The following ARFGEF3 variants were observed in gnomAD, a reference collection of about 807,000 sequenced individuals.
The protein encoded by ARFGEF3 is brefeldin A-inhibited guanine nucleotide-exchange protein 3.
Under a neutral mutation model 221.7 loss-of-function variants are expected in ARFGEF3, and 96 were observed. That is an observed-to-expected ratio of 0.43 (90% confidence interval 0.37 to 0.51). The LOEUF (loss-of-function observed/expected upper bound fraction) is 0.51. ARFGEF3 is among the 20% of genes least tolerant of loss of function. The probability of loss-of-function intolerance (pLI) is 0.00; values close to 1 mark genes in which losing one functional copy is unlikely to be tolerated. For missense variants in ARFGEF3, 2,410 were observed against 2,789.9 expected, an observed-to-expected ratio of 0.86 and a Z score of 3.07; for synonymous variants, 1,145 against 1,126.8, an observed-to-expected ratio of 1.02 and a Z score of -0.32.
intron 2 of ARFGEF3, among the ~76,000 whole-genome samples, chr6:138,185,064 G>A (rs1391859281): frequency 6.6e-6 from 1 of 152,206 alleles, no homozygotes; most frequent in Non-Finnish European, 1.5e-5. Flanking sequence ...ACTAGGTATA[G>A]GATCTGCTCT....
chr6:138,248,004 A>G (rs561216662), intron 8 of ARFGEF3, among the ~76,000 whole-genome samples: 13 of 152,320 alleles, frequency 8.5e-5, no homozygotes, highest in Admixed American at 1.3e-4. Context: ...GTGACTTAGA[A>G]TGGGTTAAAA....
At position 138,262,943 on chromosome 6, in the gene ARFGEF3, C is replaced by G; in HGVS notation, c.1460C>G (p.Ser487Cys). 1 of 1,603,514 alleles carries G rather than the reference C, an allele frequency of 6.2e-7. No homozygotes were observed. The highest frequency in any genetic ancestry group is 8.5e-7 in the Non-Finnish European group (1 of 1,174,922). The change falls in exon 12 of 34, where the codon TCC becomes TGC. Residue 487 changes from serine to cysteine, a missense_variant. Transcript: ENST00000251691. Reference sequence around the variant, plus strand: ...TTCCGCTGGCAGCGGCGAGTGCTGTCCTCAGAACACACGCCGTGGGAGTCA... The same window carrying G: ...TTCCGCTGGCAGCGGCGAGTGCTGTGCTCAGAACACACGCCGTGGGAGTCA... ...ADFRWQRRVLSSEHTPWESGN... is the reference protein window; with the variant it reads ...ADFRWQRRVLCSEHTPWESGN...
At chr6:138,247,860 G>A (rs1205451287) in intron 8 of ARFGEF3, among the ~76,000 whole-genome samples, 1 of 152,200 alleles carries the variant, frequency 6.6e-6, no homozygotes, top group African/African-American at 2.4e-5. Flanking sequence ...CAGCCAAAGA[G>A]CTCCAGGAAC....
At position 138,341,256 on chromosome 6, in the gene ARFGEF3, T is replaced by C. The variant is rs1780426093; in HGVS notation, c.*4770T>C. The C allele has an allele frequency of 1.3e-5, 2 of 154,768 alleles. No homozygotes were observed. Among genetic ancestry groups the C allele is most frequent in the Admixed American group, 1.3e-4 (2 of 15,278 alleles). The allele number at this position is 154,768 out of a possible 1,614,324, so 9.6% of individuals were successfully genotyped here. On this transcript the variant is annotated 3_prime_UTR_variant, in exon 34 of 34. Transcript: ENST00000251691. The stretch of plus-strand genomic sequence containing the variant: ...TGGTACTAAATTAGTAGCACAAAGT[T>C]TGGGAATATGCAAAATAATGGATAA...
chr6:138,240,700 A>G (rs1384915877), intron 6 of ARFGEF3, among the ~76,000 whole-genome samples: 1 of 152,162 alleles, frequency 6.6e-6, no homozygotes, highest in African/African-American at 2.4e-5. Flanking sequence ...TGGAGATGTG[A>G]TTCCATGTCC....
chr6:138,304,819 T>A (rs575655634), intron 22 of ARFGEF3, among the ~76,000 whole-genome samples: 1 of 152,326 alleles, frequency 6.6e-6, no homozygotes, highest in Admixed American at 6.5e-5. Context: ...CAAGCTTATG[T>A]AGATCCTGAA....
chr6:138,329,978 G>A (rs1404755187), intron 32 of ARFGEF3, among the ~76,000 whole-genome samples: 1 of 152,124 alleles, frequency 6.6e-6, no homozygotes, highest in Non-Finnish European at 1.5e-5. Context: ...AAGGAAAAAG[G>A]GGGGTTGTTC....
chr6:138,272,813 G>A (rs1779029265), intron 12 of ARFGEF3, among the ~76,000 whole-genome samples: 1 of 152,184 alleles, frequency 6.6e-6, no homozygotes, highest in African/African-American at 2.4e-5. Context: ...GTTGGTAGGT[G>A]GGAAAATTGG....
At chr6:138,295,578 T>G (rs1779494525) in intron 20 of ARFGEF3, among the ~76,000 whole-genome samples, 1 of 148,300 alleles carries the variant, frequency 6.7e-6, no homozygotes, top group Non-Finnish European at 1.5e-5. Flanking sequence ...TGCAGTGAGC[T>G]GAGATTGCAC....
chr6:138,188,136 C>T (rs989099514), intron 2 of ARFGEF3, among the ~76,000 whole-genome samples: 7 of 152,122 alleles, frequency 4.6e-5, no homozygotes, highest in African/African-American at 1.2e-4. Flanking sequence ...AGCTGGTTTT[C>T]GCAGATTTTT....
At chr6:138,318,219 G>A (rs904567648) in intron 27 of ARFGEF3, among the ~76,000 whole-genome samples, 6 of 152,022 alleles carry the variant, frequency 3.9e-5, no homozygotes, top group African/African-American at 1.4e-4. Context: ...AGAATAAGTA[G>A]GTATTTTATA....
chr6:138,278,704 G>A, intron 13 of ARFGEF3, 87 bp downstream of exon 13: 1 of 1,424,860 alleles, frequency 7.0e-7, no homozygotes, highest in South Asian at 1.3e-5. Context: ...TGAGTGGGAT[G>A]GCACAGCGTG....
chr6:138,162,868 CA>C lies in ARFGEF3; in HGVS notation c.85+699del, dbSNP rs981277237. Among the ~76,000 whole-genome samples the C allele has an allele frequency of 3.9e-5, 6 of 152,124 alleles. No individual in the cohort carries two copies. The highest frequency in any genetic ancestry group is 5.9e-5 in the Non-Finnish European group (4 of 68,010). On this transcript the variant is annotated intron_variant, in intron 1 of 33. Coordinates refer to ENST00000251691, the MANE Select transcript of ARFGEF3 (RefSeq NM_020340.5). The surrounding 1 kb of genome is among the most constrained non-coding windows in gnomAD (Gnocchi z 4.7). ...ACATTTCAGTTAGGCGGGGTTTGGG[CA>C]ATCAAAATGGTCAGGATGGTAATGC...
intron 13 of ARFGEF3, among the ~76,000 whole-genome samples, chr6:138,279,473 G>C (rs1315257931): frequency 6.6e-6 from 1 of 152,228 alleles, no homozygotes; most frequent in Non-Finnish European, 1.5e-5. Flanking sequence ...TCCTGTGATG[G>C]AGCAAGCCAC....
chr6:138,317,192 G>T, intron 26 of ARFGEF3, 59 bp from the exon 27 acceptor site: 1 of 1,580,646 alleles, frequency 6.3e-7, no homozygotes, highest in South Asian at 1.1e-5. Context: ...ATTGGATCTT[G>T]AGATGATTAT....
chr6:138,292,345 A>G (rs1779427126), intron 19 of ARFGEF3, among the ~76,000 whole-genome samples: 1 of 151,720 alleles, frequency 6.6e-6, no homozygotes, highest in African/African-American at 2.4e-5. Context: ...CATTGGTAAA[A>G]TAGGGTCATT....
At chr6:138,314,364 G>A (rs1026261474) in intron 26 of ARFGEF3, among the ~76,000 whole-genome samples, 1 of 152,166 alleles carries the variant, frequency 6.6e-6, no homozygotes, top group African/African-American at 2.4e-5. Context: ...TGTTAACACT[G>A]TTGCATTATG....
intron 1 of ARFGEF3, among the ~76,000 whole-genome samples, chr6:138,165,314 G>A (rs1286091813): frequency 1.3e-5 from 2 of 149,952 alleles, no homozygotes; most frequent in Non-Finnish European, 3.0e-5. Flanking sequence ...AAGAGAGAGG[G>A]GCATCCGACA....
chr6:138,287,572 G>A lies in ARFGEF3; in HGVS notation c.2896+388G>A, dbSNP rs1000063871. 2.0e-5 allele frequency among the ~76,000 whole-genome samples: 3 copies of A among 152,336 alleles called. No individual in the cohort carries two copies. The East Asian group carries it at 5.8e-4, about 29-fold the overall frequency. On this transcript the variant is annotated intron_variant, in intron 17 of 33. Coordinates refer to ENST00000251691, the MANE Select transcript of ARFGEF3 (RefSeq NM_020340.5). ...GCCAGTTTTCTAAAGGGGAAATTAA[G>A]CAGACGAAGAAAATTCATGAGGGGA...
Sources: allele counts gnomAD v4.1 joint callset (sites outside exome capture counted in the v4.1 genomes callset), GRCh38; gene constraint gnomAD v4.1.1; non-coding constraint Gnocchi (gnomAD v3.1); transcripts MANE v1.5; gene names NCBI Gene and HGNC (gene_info 2026-07-23, HGNC 2026-07-21).